CST7: variants seen among roughly 807,000 people sequenced by gnomAD.
The protein encoded by CST7 is cystatin F.
Under a neutral mutation model 13.1 loss-of-function variants are expected in CST7, and 15 were observed. The observed-to-expected ratio is 1.14, with a 90% CI of 0.77 to 1.76. The LOEUF is 1.76. Among genes scored for constraint, CST7 ranks in the 40% most tolerant of loss-of-function variants. CST7 has a pLI of 0.00. For missense variants in CST7, 193 were observed against 178.8 expected, an observed-to-expected ratio of 1.08 and a Z score of -0.45; for synonymous variants, 75 against 66.9, an observed-to-expected ratio of 1.12 and a Z score of -0.59.
Position 24,949,330 on chromosome 20 carries a change from G to C in CST7, c.-176G>C, listed in dbSNP as rs187437242. 2 of 1,526,522 alleles carry C rather than the reference G, an allele frequency of 1.3e-6. No homozygotes were observed. Among genetic ancestry groups the C allele is most frequent in the Non-Finnish European group, 1.8e-6 (2 of 1,133,606 alleles). 94.6% of individuals were successfully genotyped at this position (1,526,522 alleles called of 1,614,324 possible). ...ACAAACCATTGCCCGGCACTGGCCC[G>C]TGCTGCCTGAGAAGGATTGGCACGG... On this transcript the variant is annotated 5_prime_UTR_variant, in exon 1 of 4. Coordinates refer to ENST00000480798, the MANE Select transcript of CST7 (RefSeq NM_003650.4).
In CST7 at chr20:24,959,916, C is replaced by A; in HGVS notation, c.*204C>A. On this transcript the variant is annotated 3_prime_UTR_variant, in exon 4 of 4. Transcript: ENST00000480798. ...TAACAGATTAAATAGATCACATTTG[C>A]TTCTAAAATTAACTCCTGTTTCTGA... 1.7e-6 allele frequency: 1 copy of A among 573,574 alleles called. No homozygotes were observed. Among genetic ancestry groups the A allele is most frequent in the Non-Finnish European group, 3.2e-6 (1 of 317,074 alleles). 35.5% of individuals were successfully genotyped at this position (573,574 alleles called of 1,614,324 possible).
intron 3 of CST7, 53 bp from the exon 4 acceptor site, chr20:24,959,582 G>C: frequency 6.4e-7 from 1 of 1,561,384 alleles, no homozygotes; most frequent in Non-Finnish European, 8.8e-7. Flanking sequence ...CACGGGCAGA[G>C]GGCTCCCCGC....
At chr20:24,949,637 C>A in intron 1 of CST7, 62 bp downstream of exon 1, 8 of 1,598,812 alleles carry the variant, frequency 5.0e-6, no homozygotes, top group Non-Finnish European at 1.7e-6. Flanking sequence ...GCCACTGGTG[C>A]CTTGGGTCTT....
intron 1 of CST7, 146 bp downstream of exon 1, chr20:24,949,721 G>A (rs1034956058): frequency 1.9e-6 from 2 of 1,073,478 alleles, no homozygotes; most frequent in African/African-American, 1.6e-5. Flanking sequence ...GTGGTGAGAG[G>A]GGCAAGGGGC....
Position 24,956,772 on chromosome 20 carries a change from A to T in CST7, c.71-515A>T, listed in dbSNP as rs34145302. 6.1e-3 allele frequency among the ~76,000 whole-genome samples: 922 copies of T among 151,460 alleles called. 15 individuals are homozygous for T. The highest frequency in any genetic ancestry group is 0.022 in the African/African-American group (898 of 41,308). ...CCTTCCGGTGGGAGGCACTACCTCC[A>T]TCTACCGCCCAGAGGGCCAGGCTGG... On this transcript the variant is annotated intron_variant, in intron 1 of 3. Transcript: ENST00000480798.
At chr20:24,958,183 A>G (rs1004603321) in intron 2 of CST7, among the ~76,000 whole-genome samples, 14 of 152,120 alleles carry the variant, frequency 9.2e-5, no homozygotes, top group African/African-American at 3.1e-4. Context: ...TGACAATTGC[A>G]AACTTGTGAA....
chr20:24,950,716 A>G (rs1331425004), intron 1 of CST7, among the ~76,000 whole-genome samples: 1 of 149,074 alleles, frequency 6.7e-6, no homozygotes, highest in Non-Finnish European at 1.5e-5. Context: ...GAGCCTTCTT[A>G]GCTCACGCAA....
At chr20:24,955,867 G>A (rs898062302) in intron 1 of CST7, among the ~76,000 whole-genome samples, 15 of 152,178 alleles carry the variant, frequency 9.9e-5, no homozygotes, top group Non-Finnish European at 1.5e-4. Context: ...GGACCAGCAC[G>A]TGGCCAGCAT....
Position 24,957,420 on chromosome 20 carries a change from C to T in CST7, c.204C>T (p.Phe68=). 2 of 1,613,760 alleles carry T rather than the reference C, an allele frequency of 1.2e-6. No homozygotes were observed. The highest frequency in any genetic ancestry group is 2.2e-5 in the South Asian group (2 of 91,082). The change falls in exon 2 of 4, where the codon TTC becomes TTT. Residue 68 remains phenylalanine, a synonymous_variant. Transcript: ENST00000480798. ...EKFNNCTNDM[F]LFKESRITRA... ...TCAACAACTGCACGAACGACATGTT[C>T]TTGTTCAAGGAGTCCCGCATCACAA...
chr20:24,953,320 G>A (rs1273660908), intron 1 of CST7, among the ~76,000 whole-genome samples: 1 of 152,204 alleles, frequency 6.6e-6, no homozygotes, highest in Admixed American at 6.5e-5. Context: ...TAAGGGTTCT[G>A]GAGCTCGATA....
At chr20:24,955,607 G>A (rs1377520648) in intron 1 of CST7, among the ~76,000 whole-genome samples, 1 of 152,088 alleles carries the variant, frequency 6.6e-6, no homozygotes, top group Non-Finnish European at 1.5e-5. Context: ...CCGCCACCAT[G>A]TCCAGCTAAT....
rs536632226 is a variant in CST7, at chr20:24,953,761, G to C, written c.71-3526G>C. ...CCTGGTGCGAGCCTCGCACATGGCA[G>C]GTCCCCCATTCCCCTCGAGCAGGCC... On this transcript the variant is annotated intron_variant, in intron 1 of 3. Transcript: ENST00000480798. 3.9e-5 allele frequency among the ~76,000 whole-genome samples: 6 copies of C among 152,318 alleles called. 1 individual carries two copies. In the South Asian group the frequency reaches 1.2e-3, roughly 32 times the overall value.
intron 2 of CST7, among the ~76,000 whole-genome samples, chr20:24,957,778 G>A (rs2087869151): frequency 6.6e-6 from 1 of 152,170 alleles, no homozygotes; most frequent in Non-Finnish European, 1.5e-5. Context: ...CAAGGCTGAT[G>A]GGGGAGAAAG....
At chr20:24,950,304 A>G (rs1379018123) in intron 1 of CST7, among the ~76,000 whole-genome samples, 1 of 152,208 alleles carries the variant, frequency 6.6e-6, no homozygotes, top group Non-Finnish European at 1.5e-5. Flanking sequence ...CGCTCAAGTC[A>G]TATGACCCCC....
chr20:24,953,192 A>C (rs1053922726), intron 1 of CST7, among the ~76,000 whole-genome samples: 15 of 152,202 alleles, frequency 9.9e-5, no homozygotes, highest in Non-Finnish European at 1.9e-4. Flanking sequence ...GCACACAGCC[A>C]GTAGATGCTC....
chr20:24,949,360 A>T lies in CST7; in HGVS notation c.-146A>T, dbSNP rs775685240. 284 of 1,559,606 alleles carry T rather than the reference A, an allele frequency of 1.8e-4. No homozygotes were observed. The highest frequency in any genetic ancestry group is 2.3e-4 in the Non-Finnish European group (260 of 1,151,332). ...GCCTGAGAAGGATTGGCACGGGCAC[A>T]GACCACTGCCCCCACCTGCCCTGCG... On this transcript the variant is annotated 5_prime_UTR_variant, in exon 1 of 4. Coordinates refer to ENST00000480798, the MANE Select transcript of CST7 (RefSeq NM_003650.4).
chr20:24,954,601 A>G (rs1471680991), intron 1 of CST7, among the ~76,000 whole-genome samples: 1 of 152,252 alleles, frequency 6.6e-6, no homozygotes, highest in East Asian at 1.9e-4. Flanking sequence ...TGAGCTTTTA[A>G]TATCTGTTTA....
Position 24,949,368 on chromosome 20 carries a change from GCCC to G in CST7, c.-135_-133del. On this transcript the variant is annotated 5_prime_UTR_variant, in exon 1 of 4. Transcript: ENST00000480798. Reference sequence around the variant, plus strand: ...AGGATTGGCACGGGCACAGACCACTGCCCCCACCTGCCCTGCGCCATCTACCCA... The same window carrying G: ...AGGATTGGCACGGGCACAGACCACTGCCACCTGCCCTGCGCCATCTACCCA... The G allele has an allele frequency of 6.4e-7, 1 of 1,570,930 alleles. No homozygotes were observed. The highest frequency in any genetic ancestry group is 8.6e-7 in the Non-Finnish European group (1 of 1,157,116).
At position 24,949,592 on chromosome 20, in the gene CST7, CCT is replaced by C. The variant is rs1015423212; in HGVS notation, c.70+18_70+19del. 2.0e-5 allele frequency: 33 copies of C among 1,613,458 alleles called. No homozygotes were observed. Among genetic ancestry groups the C allele is most frequent in the Non-Finnish European group, 2.7e-5 (32 of 1,179,818 alleles). On this transcript the variant is annotated intron_variant, in intron 1 of 3. Coordinates refer to ENST00000480798, the MANE Select transcript of CST7 (RefSeq NM_003650.4). Reference sequence around the variant, plus strand: ...CTTCCCCAGGTAAGTGGCGTTCTCCCCTGTCCGCTCCCCGGGGGTCTCTCCCT... The same window carrying C: ...CTTCCCCAGGTAAGTGGCGTTCTCCCGTCCGCTCCCCGGGGGTCTCTCCCT...
Sources: gnomAD v4.1 joint callset for allele counts (sites outside exome capture counted in the v4.1 genomes callset) on GRCh38, gnomAD v4.1.1 for gene constraint, MANE v1.5 for transcripts, NCBI Gene and HGNC (gene_info 2026-07-23, HGNC 2026-07-21) for gene names.